Variants in WDFY3 observed in about 807,000 individuals in gnomAD.
WDFY3 encodes WD repeat and FYVE domain-containing protein 3.
In WDFY3, 66 loss-of-function variants were observed where a neutral mutation model predicts 409.6. The ratio of observed to expected loss-of-function variants is 0.16; its 90% confidence interval spans 0.13 to 0.20. The LOEUF (loss-of-function observed/expected upper bound fraction) is 0.20, where lower values mean the gene tolerates loss of function less well. Among genes scored for constraint, WDFY3 ranks in the 10% least tolerant of loss-of-function variants. WDFY3 has a pLI of 1.00. For missense variants in WDFY3, 3,031 were observed against 4,298.1 expected, an observed-to-expected ratio of 0.71 and a Z score of 8.24; for synonymous variants, 1,521 against 1,537.1, an observed-to-expected ratio of 0.99 and a Z score of 0.25.
intron 37 of WDFY3, among the ~76,000 whole-genome samples, chr4:84,743,304 T>C (rs1009324809): frequency 6.6e-6 from 1 of 152,186 alleles, no homozygotes; most frequent in Non-Finnish European, 1.5e-5. Context: ...CTCTATGTCC[T>C]GGAAGCCATA....
intron 9 of WDFY3, among the ~76,000 whole-genome samples, chr4:84,827,662 C>T (rs1381239362): frequency 2.6e-5 from 4 of 152,168 alleles, no homozygotes; most frequent in East Asian, 1.9e-4. Context: ...TGCCAACCTA[C>T]GTTCTCAAAG....
chr4:84,808,783 T>C (rs6858666), intron 14 of WDFY3: 69,598 of 156,032 alleles, frequency 0.45, 16,064 homozygotes, highest in African/African-American at 0.55. Flanking sequence ...CACTACACTG[T>C]CCTGTGTTTT....
intron 1 of WDFY3, among the ~76,000 whole-genome samples, chr4:84,938,541 C>G (rs1369372242): frequency 2.0e-5 from 3 of 152,096 alleles, no homozygotes. Context: ...GTAACACCAG[C>G]ACACAGGAAA....
At chr4:84,856,740 C>G (rs978978202) in intron 4 of WDFY3, among the ~76,000 whole-genome samples, 1 of 152,168 alleles carries the variant, frequency 6.6e-6, no homozygotes, top group South Asian at 2.1e-4. Flanking sequence ...TAGTCTGTAG[C>G]TAGATGTCCA....
intron 6 of WDFY3, among the ~76,000 whole-genome samples, chr4:84,839,728 C>T (rs1051975112): frequency 1.4e-4 from 21 of 151,804 alleles, no homozygotes; most frequent in Admixed American, 7.9e-4. Context: ...TGTGGTGGCG[C>T]GCGCCTGTAA....
chr4:84,817,065 G>A (rs894909581), intron 13 of WDFY3, among the ~76,000 whole-genome samples: 9 of 152,044 alleles, frequency 5.9e-5, no homozygotes, highest in African/African-American at 1.2e-4. Context: ...TCATTTCACA[G>A]ATGCATAACA....
chr4:84,889,998 A>T (rs1315279460), intron 3 of WDFY3, among the ~76,000 whole-genome samples: 1 of 152,198 alleles, frequency 6.6e-6, no homozygotes, highest in African/African-American at 2.4e-5. Context: ...GCTTTCATGT[A>T]TTACAGAGGC....
intron 3 of WDFY3, among the ~76,000 whole-genome samples, chr4:84,883,222 G>A (rs1578971080): frequency 6.6e-6 from 1 of 152,254 alleles, no homozygotes; most frequent in Non-Finnish European, 1.5e-5. Flanking sequence ...TCATTTCTCT[G>A]TTGATCACAT....
chr4:84,674,207 AT>A (rs1327556210), intron 67 of WDFY3, among the ~76,000 whole-genome samples: 13 of 152,184 alleles, frequency 8.5e-5, no homozygotes, highest in Admixed American at 6.5e-5. Context: ...TTTAAACAAT[AT>A]TTTGAAAATT....
At position 84,880,161 on chromosome 4, in the gene WDFY3, T is replaced by C. The variant is rs139432419; in HGVS notation, c.-32+16750A>G. ...CCAGGAAGCAGAGGTTGGAGTGATA[T>C]GGACATCAGCCAGGAATGAGGGTAG... On this transcript the variant is annotated intron_variant, in intron 3 of 67. Coordinates refer to ENST00000295888, the MANE Select transcript of WDFY3 (RefSeq NM_014991.6). Among the ~76,000 whole-genome samples the C allele has an allele frequency of 5.3e-3, 813 of 152,182 alleles. 9 individuals carry two copies. Among genetic ancestry groups the C allele is most frequent in the African/African-American group, 0.018 (764 of 41,534 alleles).
chr4:84,751,874 G>T (rs578184601), intron 35 of WDFY3, among the ~76,000 whole-genome samples, 158 bp from the exon 36 acceptor site: 137 of 152,140 alleles, frequency 9.0e-4, no homozygotes, highest in African/African-American at 3.2e-3. Context: ...TCCTTTCAAG[G>T]TAGTAATCTG....
intron 26 of WDFY3, among the ~76,000 whole-genome samples, chr4:84,779,889 T>C (rs961220982): frequency 6.6e-6 from 1 of 152,232 alleles, no homozygotes; most frequent in Admixed American, 6.5e-5. Flanking sequence ...CTCAAGTGTT[T>C]AGTAAGATTT....
At chr4:84,941,635 A>G (rs1772142227) in intron 1 of WDFY3, among the ~76,000 whole-genome samples, 1 of 152,098 alleles carries the variant, frequency 6.6e-6, no homozygotes, top group South Asian at 2.1e-4. Context: ...ATGCAATCCC[A>G]ATCAAAATTA....
intron 47 of WDFY3, among the ~76,000 whole-genome samples, chr4:84,719,908 T>A (rs186592763): frequency 6.6e-6 from 1 of 152,324 alleles, no homozygotes; most frequent in Admixed American, 6.5e-5. Flanking sequence ...GGGCATACAT[T>A]TGAACGGAAC....
At chr4:84,798,603 A>T (rs1749926079) in intron 17 of WDFY3, among the ~76,000 whole-genome samples, 1 of 152,188 alleles carries the variant, frequency 6.6e-6, no homozygotes, top group South Asian at 2.1e-4. Flanking sequence ...TATGTTCTGC[A>T]TCTCACTGAA....
At chr4:84,731,683 G>A (rs977657423) in intron 44 of WDFY3, among the ~76,000 whole-genome samples, 1 of 152,078 alleles carries the variant, frequency 6.6e-6, no homozygotes, top group Admixed American at 6.6e-5. Flanking sequence ...ATGATACTAC[G>A]GTTGTAGATG....
intron 45 of WDFY3, among the ~76,000 whole-genome samples, chr4:84,725,486 G>A (rs1735508773): frequency 6.6e-6 from 1 of 152,096 alleles, no homozygotes; most frequent in Non-Finnish European, 1.5e-5. Flanking sequence ...AATCACGGAA[G>A]ATGAGAAACT....
intron 32 of WDFY3, among the ~76,000 whole-genome samples, chr4:84,760,343 CTT>C (rs1742327172): frequency 6.6e-6 from 1 of 151,738 alleles, no homozygotes; most frequent in Non-Finnish European, 1.5e-5. Context: ...AGGATTCCCT[CTT>C]TTTCTATTGA....
At chr4:84,828,854 G>A in intron 9 of WDFY3, 150 bp downstream of exon 9, 1 of 748,156 alleles carries the variant, frequency 1.3e-6, no homozygotes, top group Non-Finnish European at 2.0e-6. Flanking sequence ...AGCTGTGATT[G>A]CACCAGAAAA....
Sources: allele counts gnomAD v4.1 joint callset (sites outside exome capture counted in the v4.1 genomes callset), GRCh38; gene constraint gnomAD v4.1.1; transcripts MANE v1.5; gene names NCBI Gene and HGNC (gene_info 2026-07-23, HGNC 2026-07-21).